Variants in CA9 observed in about 807,000 individuals in gnomAD.
The protein encoded by CA9 is CA-IX.
CA9 carries 43 observed loss-of-function variants against 51.8 expected under a neutral mutation model. The ratio of observed to expected loss-of-function variants is 0.83; its 90% CI spans 0.65 to 1.07. CA9 has a LOEUF of 1.07. Ranked by LOEUF, CA9 falls within the 50% of genes least tolerant of loss-of-function variation. The pLI is 0.00. For missense variants in CA9, 574 were observed against 581.4 expected, an observed-to-expected ratio of 0.99 and a Z score of 0.13; for synonymous variants, 253 against 244.2, an observed-to-expected ratio of 1.04 and a Z score of -0.34.
At position 35,680,733 on chromosome 9, in the gene CA9, C is replaced by T; in HGVS notation, c.1238-20C>T. On this transcript the variant is annotated intron_variant, in intron 9 of 10. Transcript: ENST00000378357. The stretch of plus-strand genomic sequence containing the variant: ...ACCCCTCTTCCTTCCCAAAGCAGCC[C>T]TCTCTGCTCTCCATCGCAGGTGACA... 1 of 1,610,358 alleles carries T rather than the reference C, an allele frequency of 6.2e-7. No individual in the cohort carries two copies. The highest frequency in any genetic ancestry group is 8.5e-7 in the Non-Finnish European group (1 of 1,176,680).
At chr9:35,677,445 G>A (rs1464953421) in intron 5 of CA9, among the ~76,000 whole-genome samples, 3 of 151,902 alleles carry the variant, frequency 2.0e-5, no homozygotes, top group African/African-American at 4.8e-5. Context: ...GACTGCAAAC[G>A]TCAGAAGGGC....
chr9:35,677,924 A>G, intron 6 of CA9, 68 bp downstream of exon 6: 2 of 1,382,896 alleles, frequency 1.4e-6, no homozygotes, highest in African/African-American at 1.4e-5. Flanking sequence ...TTGGAGCTTC[A>G]GGTCTGAGGC....
chr9:35,678,714 T>TTTTTTTTTTTTTTG, intron 6 of CA9, among the ~76,000 whole-genome samples: 1 of 150,546 alleles, frequency 6.6e-6, no homozygotes, highest in Non-Finnish European at 1.5e-5. Context: ...TTTTTTTTTT[T>TTTTTTTTTTTTTTG]TACATCTTTA....
rs770274384 is a variant in CA9, at chr9:35,679,897, G to A, written c.1109G>A (p.Arg370Gln). The A allele has an allele frequency of 2.2e-5, 35 of 1,613,054 alleles. No homozygotes were observed. Among genetic ancestry groups the A allele is most frequent in the Admixed American group, 5.0e-5 (3 of 59,770 alleles). ...SDTLWGPGDS[R>Q]LQLNFRATQP... ...ACCCTGTGGGGACCTGGTGACTCTCGGCTACAGCTGAACTTCCGAGCGACG... is the reference window on the plus strand; with the variant it reads ...ACCCTGTGGGGACCTGGTGACTCTCAGCTACAGCTGAACTTCCGAGCGACG... The change falls in exon 8 of 11, where the codon CGG becomes CAG. Residue 370 changes from arginine to glutamine, a missense_variant. Transcript: ENST00000378357.
chr9:35,678,346 CAAAA>C (rs11327436), intron 6 of CA9, among the ~76,000 whole-genome samples: 1 of 93,890 alleles, frequency 1.1e-5, no homozygotes, highest in Non-Finnish European at 2.1e-5. Flanking sequence ...ACTCTTGTCT[CAAAA>C]AAAAAAAAAA....
intron 2 of CA9, 88 bp from the exon 3 acceptor site, chr9:35,675,673 A>AC: frequency 1.5e-6 from 1 of 672,674 alleles, no homozygotes; most frequent in Non-Finnish European, 2.4e-6. Context: ...CCCGCCGCCC[A>AC]CCGTCCCACC....
chr9:35,675,380 A>C, intron 1 of CA9, 158 bp from the exon 2 acceptor site: 1 of 723,994 alleles, frequency 1.4e-6, no homozygotes, highest in Non-Finnish European at 2.4e-6. Context: ...TGCGGTGTTG[A>C]GTTTGGGTGC....
chr9:35,675,438 TA>T, intron 1 of CA9, 99 bp from the exon 2 acceptor site: 1 of 1,352,614 alleles, frequency 7.4e-7, no homozygotes, highest in Non-Finnish European at 1.1e-6. Flanking sequence ...TTGTTACCCG[TA>T]ATGCTCCTGT....
chr9:35,675,447 T>G, intron 1 of CA9, 91 bp from the exon 2 acceptor site: 2 of 1,429,832 alleles, frequency 1.4e-6, no homozygotes, highest in South Asian at 1.1e-5. Flanking sequence ...GTAATGCTCC[T>G]GTAAGGCATC....
In CA9 at chr9:35,676,367, C is replaced by G. The variant is rs977104698; in HGVS notation, c.818C>G (p.Ala273Gly). 1 of 1,613,610 alleles carries G rather than the reference C, an allele frequency of 6.2e-7. No homozygotes were observed. ...DEALGRPGGLAVLAAFLEEGP... is the reference protein window; with the variant it reads ...DEALGRPGGLGVLAAFLEEGP... The stretch of plus-strand genomic sequence containing the variant: ...GCCTTGGGGCGCCCGGGAGGCCTGG[C>G]CGTGTTGGCCGCCTTTCTGGAGGTA... Residue 273 changes from alanine (A) to glycine (G), a missense_variant, in exon 5 of 11, where the codon GCC becomes GGC. Ala to Gly is a moderately conservative substitution (Grantham distance 60). Coordinates refer to ENST00000378357, the MANE Select transcript of CA9 (RefSeq NM_001216.3).
Position 35,676,541 on chromosome 9 carries a change from CTG to C in CA9, c.840+155_840+156del, listed in dbSNP as rs1466606493. On this transcript the variant is annotated intron_variant, in intron 5 of 10. Transcript: ENST00000378357. The stretch of plus-strand genomic sequence containing the variant: ...GCACTGTTTGTTCATTTAACACCCA[CTG>C]TGAACCAGGCACCAGCCCCCAACAA... The C allele has an allele frequency of 1.4e-5, 9 of 655,136 alleles. No homozygotes were observed. The Admixed American group carries it at 2.3e-4, about 17-fold the overall frequency. 40.6% of individuals were successfully genotyped at this position (655,136 alleles called of 1,614,324 possible).
In CA9 at chr9:35,674,192, C is replaced by A. The variant is rs748814740; in HGVS notation, c.233C>A (p.Pro78His). 2 of 1,612,802 alleles carry A rather than the reference C, an allele frequency of 1.2e-6. No individual in the cohort carries two copies. Among genetic ancestry groups the A allele is most frequent in the East Asian group, 2.2e-5 (1 of 44,858 alleles). ...EEDSPREEDP[P>H]GEEDLPGEED... is the part of the protein sequence containing the mutation. ...GATTCACCCAGAGAGGAGGATCCACCCGGAGAGGAGGATCTACCTGGAGAG... is the reference window on the plus strand; with the variant it reads ...GATTCACCCAGAGAGGAGGATCCACACGGAGAGGAGGATCTACCTGGAGAG... The change falls in exon 1 of 11, where the codon CCC becomes CAC. Residue 78 changes from proline to histidine, a missense_variant. Transcript: ENST00000378357.
rs1824538442 is a variant in CA9 at position 35,680,967 on chromosome 9, G to A, written c.1322G>A (p.Arg441Lys). ...FLVQMRRQHR[R>K]GTKGGVSYRP... ...CCTTTCCTGTTGTGTACACACAGAA[G>A]GGGAACCAAAGGGGGTGTGAGCTAC... is the stretch of plus-strand genomic sequence containing the variant. The change falls in exon 11 of 11, where the codon AGG (arginine) becomes AAG (lysine). Residue 441 changes from arginine to lysine, a missense_variant and splice_region_variant. By Grantham distance (26) the Arg-to-Lys change is conservative (BLOSUM62 2). Transcript: ENST00000378357. The A allele has an allele frequency of 4.3e-6, 7 of 1,614,086 alleles. No homozygotes were observed. In the East Asian group the frequency reaches 1.1e-4, roughly 26 times the overall value.
intron 7 of CA9, 114 bp from the exon 8 acceptor site, chr9:35,679,740 G>A (rs1587946987): frequency 2.1e-6 from 2 of 945,532 alleles, no homozygotes; most frequent in African/African-American, 1.7e-5. Flanking sequence ...GAGGCTGGAT[G>A]GGGAATACAG....
chr9:35,678,200 G>C (rs1367864603), intron 6 of CA9, among the ~76,000 whole-genome samples: 1 of 151,998 alleles, frequency 6.6e-6, no homozygotes, highest in Non-Finnish European at 1.5e-5. Flanking sequence ...CGAAAAAATA[G>C]CCAGGCGTGG....
At chr9:35,680,647 C>T in intron 9 of CA9, 106 bp from the exon 10 acceptor site, 1 of 869,224 alleles carries the variant, frequency 1.2e-6, no homozygotes, top group Non-Finnish European at 1.9e-6. Context: ...CTAGGGGCTG[C>T]CTGAGAACTC....
chr9:35,680,430 A>G (rs1294138867), intron 9 of CA9, among the ~76,000 whole-genome samples: 1 of 152,104 alleles, frequency 6.6e-6, no homozygotes, highest in Non-Finnish European at 1.5e-5. Context: ...TGGCACGATC[A>G]TAGCTCACTG....
chr9:35,678,695 C>CTTTTTTTTTTTTTTTT (rs746454806), intron 6 of CA9, among the ~76,000 whole-genome samples: 68 of 129,806 alleles, frequency 5.2e-4, no homozygotes, highest in Non-Finnish European at 8.3e-4. Flanking sequence ...TTTTTCTTTT[C>CTTTTTTTTTTTTTTTT]TTTTCTTTTT....
chr9:35,680,858 G>A (rs1348947226), intron 10 of CA9, 24 bp downstream of exon 10: 1 of 1,612,962 alleles, frequency 6.2e-7, no homozygotes, highest in East Asian at 2.2e-5. Context: ...CCTTTCTTCA[G>A]GCACAAGCTT....
Sources: allele counts gnomAD v4.1 joint callset (sites outside exome capture counted in the v4.1 genomes callset), GRCh38; gene constraint gnomAD v4.1.1; transcripts MANE v1.5; gene names NCBI Gene and HGNC (gene_info 2026-07-23, HGNC 2026-07-21).